The following NRG1 variants were observed in gnomAD, a reference collection of about 807,000 sequenced individuals.
NRG1 encodes neuregulin 1.
Under a neutral mutation model 63.8 loss-of-function variants are expected in NRG1, and 18 were observed. The ratio of observed to expected loss-of-function variants is 0.28; its 90% CI spans 0.19 to 0.42. NRG1 has a LOEUF of 0.42. Among genes scored for constraint, NRG1 ranks in the 10% least tolerant of loss-of-function variants. The pLI is 1.00. For synonymous variants in NRG1, 302 were observed against 301.3 expected (o/e 1.00, Z -0.02); for missense variants, 762 against 814.7 (o/e 0.94, Z 0.79).
At chr8:32,131,742 A>G (rs894594626) in intron 1 of NRG1, among the ~76,000 whole-genome samples, 16 of 152,042 alleles carry the variant, frequency 1.1e-4, no homozygotes, top group African/African-American at 3.6e-4. Flanking sequence ...GATTGTTGAT[A>G]AGACACTTAA....
At chr8:32,528,795 A>T (rs1831149574) in intron 1 of NRG1, among the ~76,000 whole-genome samples, 1 of 152,206 alleles carries the variant, frequency 6.6e-6, no homozygotes, top group Non-Finnish European at 1.5e-5. Flanking sequence ...TTGTAGCTTT[A>T]ATTCAACACA....
chr8:32,133,008 C>T (rs1304083591), intron 1 of NRG1, among the ~76,000 whole-genome samples: 1 of 151,678 alleles, frequency 6.6e-6, no homozygotes, highest in African/African-American at 2.4e-5. Flanking sequence ...TCCCCCCTTT[C>T]CCCCCACTCT....
rs888566956 is a variant in NRG1 at position 31,773,792 on chromosome 8, C to A, written c.37+134361C>A. 5.9e-5 allele frequency among the ~76,000 whole-genome samples: 9 copies of A among 152,170 alleles called. No homozygotes were observed. The South Asian group carries it at 1.9e-3, about 32-fold the overall frequency. ...TATCCTTCAGGAGATGTTTAATGAT[C>A]CCCCCAGCTGATAAAAGTTACCTTC... On this transcript the variant is annotated intron_variant, in intron 1 of 10. Coordinates refer to the NRG1 transcript ENST00000519301.
chr8:32,750,434 C>T (rs1267511778), intron 7 of NRG1, among the ~76,000 whole-genome samples: 1 of 152,082 alleles, frequency 6.6e-6, no homozygotes, highest in Non-Finnish European at 1.5e-5. Flanking sequence ...CCCAGAGACT[C>T]CACAGGGCCA....
intron 1 of NRG1, among the ~76,000 whole-genome samples, chr8:31,876,560 T>C (rs1829940025): frequency 6.6e-6 from 1 of 152,170 alleles, no homozygotes; most frequent in Non-Finnish European, 1.5e-5. Context: ...GAGTAAATAA[T>C]GACTCTTGTA....
intron 1 of NRG1, among the ~76,000 whole-genome samples, chr8:32,065,893 C>T (rs373380850): frequency 7.0e-4 from 107 of 152,184 alleles, no homozygotes; most frequent in African/African-American, 2.2e-3. Flanking sequence ...TGGTGTGAGA[C>T]GGTATCTCAT....
intron 1 of NRG1, among the ~76,000 whole-genome samples, chr8:31,846,150 A>C (rs1826669736): frequency 6.6e-6 from 1 of 152,212 alleles, no homozygotes; most frequent in African/African-American, 2.4e-5. Flanking sequence ...ATTTTCATTC[A>C]TTTCTTCCTA....
At chr8:31,819,183 G>A (rs1586628074) in intron 1 of NRG1, among the ~76,000 whole-genome samples, 1 of 138,812 alleles carries the variant, frequency 7.2e-6, no homozygotes, top group East Asian at 2.2e-4. Context: ...AGGTTGCAGC[G>A]AGCTATGATT....
intron 1 of NRG1, among the ~76,000 whole-genome samples, chr8:32,232,801 A>G (rs1847098472): frequency 1.3e-5 from 2 of 152,178 alleles, no homozygotes. Flanking sequence ...GATCCCTTAC[A>G]TAAAAACCTC....
At position 32,109,243 on chromosome 8, in the gene NRG1, A is replaced by G. The variant is rs554687322; in HGVS notation, c.37+469812A>G. ...CATCTTCCCACTTTCATGCACACAT[A>G]TCATTCATTCTCCTTTTTCCCAAGG... On this transcript the variant is annotated intron_variant, in intron 1 of 10. Transcript: ENST00000519301. Among the ~76,000 whole-genome samples the G allele has an allele frequency of 3.8e-4, 58 of 152,270 alleles. No homozygotes were observed. The Middle Eastern group carries it at 0.014, about 36-fold the overall frequency.
chr8:31,876,303 G>A (rs1211161763), intron 1 of NRG1, among the ~76,000 whole-genome samples: 2 of 152,116 alleles, frequency 1.3e-5, no homozygotes, highest in Non-Finnish European at 2.9e-5. Context: ...TTAAAAATAT[G>A]GAGGCAATAA....
At chr8:32,730,358 TG>T (rs1169688528) in intron 6 of NRG1, among the ~76,000 whole-genome samples, 1 of 151,978 alleles carries the variant, frequency 6.6e-6, no homozygotes, top group African/African-American at 2.4e-5. Flanking sequence ...GAGGCTAAGG[TG>T]GGGGGATCAC....
At chr8:31,908,204 G>A (rs1363947597) in intron 1 of NRG1, among the ~76,000 whole-genome samples, 1 of 152,160 alleles carries the variant, frequency 6.6e-6, no homozygotes, top group Non-Finnish European at 1.5e-5. Context: ...TGTAGGCAGA[G>A]AGAAAAAAGA....
At chr8:32,028,475 C>G (rs1194053192) in intron 1 of NRG1, among the ~76,000 whole-genome samples, 1 of 152,144 alleles carries the variant, frequency 6.6e-6, no homozygotes, top group Non-Finnish European at 1.5e-5. Flanking sequence ...TGATTTTGGA[C>G]TTAGTTTCCT....
intron 1 of NRG1, among the ~76,000 whole-genome samples, chr8:31,717,496 G>A (rs1812476610): frequency 6.6e-6 from 1 of 151,700 alleles, no homozygotes; most frequent in Non-Finnish European, 1.5e-5. Context: ...ATTTATAGGA[G>A]GACATGTAGG....
rs11375124 is a variant in NRG1, at chr8:32,209,374, CT to C, written c.38-386447del. Among the ~76,000 whole-genome samples the C allele has an allele frequency of 2.1e-3, 318 of 152,064 alleles. 1 individual carries two copies. Among genetic ancestry groups the C allele is most frequent in the African/African-American group, 7.5e-3 (310 of 41,504 alleles). On this transcript the variant is annotated intron_variant, in intron 1 of 10. Coordinates refer to the NRG1 transcript ENST00000519301. ...AAACCTAATTTCACTGTTTTTCTAG[CT>C]TTTTTTATTGCTATAACTTTTATAT...
chr8:32,335,653 G>T (rs1026577761), intron 1 of NRG1, among the ~76,000 whole-genome samples: 1 of 152,148 alleles, frequency 6.6e-6, no homozygotes, highest in African/African-American at 2.4e-5. Context: ...CACATAATAG[G>T]CCTTCCATAA....
rs999985933 is a variant in NRG1, at chr8:31,959,435, C to T, written c.37+320004C>T. On this transcript the variant is annotated intron_variant, in intron 1 of 10. Transcript: ENST00000519301. ...TAATACAGCTATTGCCCTAAAGAGG[C>T]TTCACCAATCCTGTCTGTGGTTCAG... 2.0e-5 allele frequency among the ~76,000 whole-genome samples: 3 copies of T among 152,142 alleles called. No individual in the cohort carries two copies. The East Asian group carries it at 5.8e-4, about 29-fold the overall frequency.
At chr8:32,470,218 T>C (rs1187571931) in intron 1 of NRG1, among the ~76,000 whole-genome samples, 1 of 145,670 alleles carries the variant, frequency 6.9e-6, no homozygotes, top group Non-Finnish European at 1.5e-5. Context: ...TCTCGCTCTG[T>C]TGCCCAGGCT....
Sources: gnomAD v4.1 joint callset for allele counts (sites outside exome capture counted in the v4.1 genomes callset) on GRCh38, gnomAD v4.1.1 for gene constraint, MANE v1.5 for transcripts, NCBI Gene and HGNC (gene_info 2026-07-23, HGNC 2026-07-21) for gene names.